The following R3HCC1L variants were observed in gnomAD, a reference collection of about 807,000 sequenced individuals.
The protein encoded by R3HCC1L is coiled-coil domain-containing protein R3HCC1L.
Under a neutral mutation model 59.9 loss-of-function variants are expected in R3HCC1L, and 51 were observed. The observed-to-expected ratio is 0.85, with a 90% CI of 0.68 to 1.07. R3HCC1L has a LOEUF of 1.07. R3HCC1L is among the 50% of genes least tolerant of loss of function. The pLI, the probability that R3HCC1L is intolerant of heterozygous loss-of-function variation, is 0.00. For synonymous variants in R3HCC1L, 322 were observed against 315.2 expected (o/e 1.02, Z -0.23); for missense variants, 965 against 933.0 (o/e 1.03, Z -0.45).
At chr10:98,178,937 T>A (rs551038052) in intron 4 of R3HCC1L, among the ~76,000 whole-genome samples, 1 of 152,370 alleles carries the variant, frequency 6.6e-6, no homozygotes, top group East Asian at 1.9e-4. Context: ...TCACTGAATT[T>A]GCTTATAAGC....
chr10:98,139,915 T>C (rs557408497), intron 1 of R3HCC1L, among the ~76,000 whole-genome samples: 46 of 151,694 alleles, frequency 3.0e-4, no homozygotes, highest in Non-Finnish European at 3.1e-4. Context: ...AGAGAAGCAC[T>C]GTTGGAAAAC....
intron 6 of R3HCC1L, 113 bp downstream of exon 6, chr10:98,231,800 C>CA: frequency 2.1e-5 from 24 of 1,154,150 alleles, no homozygotes; most frequent in Non-Finnish European, 2.9e-5. Context: ...ATTTTAGCAT[C>CA]AGGCTGGTTT....
chr10:98,201,598 A>G (rs1220142096), intron 4 of R3HCC1L, among the ~76,000 whole-genome samples: 1 of 152,220 alleles, frequency 6.6e-6, no homozygotes, highest in Admixed American at 6.5e-5. Context: ...ATAAAGGGAC[A>G]GGGAAACAAA....
At chr10:98,190,325 ATTTTT>A (rs1276223074) in intron 4 of R3HCC1L, among the ~76,000 whole-genome samples, 2 of 152,104 alleles carry the variant, frequency 1.3e-5, no homozygotes, top group Non-Finnish European at 2.9e-5. Context: ...GATTGGGTAT[ATTTTT>A]TATTTTATTA....
intron 1 of R3HCC1L, among the ~76,000 whole-genome samples, chr10:98,149,258 T>G (rs1845932185): frequency 6.6e-6 from 1 of 152,170 alleles, no homozygotes; most frequent in Non-Finnish European, 1.5e-5. Flanking sequence ...GTCTTCACTT[T>G]TTTCTTAGTT....
At chr10:98,168,524 A>C (rs1848187530) in intron 4 of R3HCC1L, among the ~76,000 whole-genome samples, 1 of 152,164 alleles carries the variant, frequency 6.6e-6, no homozygotes, top group South Asian at 2.1e-4. Flanking sequence ...CCAAGATCCT[A>C]CTGGAATCAT....
intron 5 of R3HCC1L, chr10:98,211,398 C>G: frequency 6.7e-7 from 1 of 1,493,780 alleles, no homozygotes; most frequent in Non-Finnish European, 8.9e-7. Context: ...CTGCAAATGA[C>G]TGTCAGCCCA....
At chr10:98,189,928 T>C (rs1321940240) in intron 4 of R3HCC1L, among the ~76,000 whole-genome samples, 1 of 152,232 alleles carries the variant, frequency 6.6e-6, no homozygotes, top group Admixed American at 6.5e-5. Context: ...CTTGATTTCT[T>C]ATTTGCAAAT....
chr10:98,209,984 T>G, intron 5 of R3HCC1L, 85 bp downstream of exon 5: 1 of 1,068,034 alleles, frequency 9.4e-7, no homozygotes. Context: ...TGATGCACAT[T>G]CACTGATATT....
At chr10:98,197,207 G>A (rs1469869713) in intron 4 of R3HCC1L, among the ~76,000 whole-genome samples, 1 of 151,388 alleles carries the variant, frequency 6.6e-6, no homozygotes, top group Non-Finnish European at 1.5e-5. Flanking sequence ...AAGCCACCAT[G>A]CCCCCCCCTC....
chr10:98,164,041 T>G (rs72826254), intron 4 of R3HCC1L, among the ~76,000 whole-genome samples: 10 of 152,302 alleles, frequency 6.6e-5, no homozygotes, highest in Non-Finnish European at 1.2e-4. Flanking sequence ...ATATTCCAGC[T>G]TCTGACTCTC....
rs564006424 is a variant in R3HCC1L, at chr10:98,135,337, G to C, written c.-268+631G>C. On this transcript the variant is annotated intron_variant, in intron 1 of 9. Coordinates refer to ENST00000298999, the MANE Select transcript of R3HCC1L (RefSeq NM_001351015.2). ...GGGGGAAGTCTCAGTCCGCCACTTGGCTGGACCTGTGATCTTTTGTACAGT... is the reference window on the plus strand; with the variant it reads ...GGGGGAAGTCTCAGTCCGCCACTTGCCTGGACCTGTGATCTTTTGTACAGT... Among the ~76,000 whole-genome samples the C allele has an allele frequency of 1.3e-4, 20 of 152,356 alleles. No individual in the cohort carries two copies. The East Asian group carries it at 3.9e-3, about 29-fold the overall frequency.
intron 1 of R3HCC1L, among the ~76,000 whole-genome samples, chr10:98,140,538 T>A (rs2133859067): frequency 1.3e-5 from 2 of 152,192 alleles, no homozygotes; most frequent in Middle Eastern, 6.8e-3. Context: ...ATCAGAGATG[T>A]AGACAGACGG....
intron 4 of R3HCC1L, among the ~76,000 whole-genome samples, chr10:98,173,434 A>C (rs1321948906): frequency 1.3e-5 from 2 of 152,152 alleles, no homozygotes; most frequent in Non-Finnish European, 2.9e-5. Flanking sequence ...GGGGAGGGGT[A>C]GAGGGAGCCT....
chr10:98,211,918 G>C (rs1399615638), intron 5 of R3HCC1L, among the ~76,000 whole-genome samples: 1 of 152,138 alleles, frequency 6.6e-6, no homozygotes, highest in Non-Finnish European at 1.5e-5. Flanking sequence ...ATTTCGAGGA[G>C]CATAGTAACA....
At chr10:98,231,454 T>C in intron 5 of R3HCC1L, 58 bp from the exon 6 acceptor site, 1 of 1,465,080 alleles carries the variant, frequency 6.8e-7, no homozygotes, top group South Asian at 1.2e-5. Context: ...TATAGGAATA[T>C]ATTTTACAAT....
Position 98,155,610 on chromosome 10 carries a change from A to G in R3HCC1L, c.-267-483A>G, listed in dbSNP as rs574208504. ...AGAGTTTAAAATAAACATGTTTTAA[A>G]AAGTCCAATAGTGGAAAAAAAAAGG... On this transcript the variant is annotated intron_variant, in intron 1 of 9. Transcript: ENST00000298999. Among the ~76,000 whole-genome samples the G allele has an allele frequency of 7.2e-5, 11 of 152,226 alleles. No homozygotes were observed. The South Asian group carries it at 2.3e-3, about 32-fold the overall frequency.
chr10:98,167,399 G>T (rs1019338663), intron 4 of R3HCC1L, among the ~76,000 whole-genome samples: 1 of 152,130 alleles, frequency 6.6e-6, no homozygotes, highest in Non-Finnish European at 1.5e-5. Context: ...ACACCTGCTG[G>T]TATAGCTCCA....
chr10:98,174,488 G>A (rs1428073728), intron 4 of R3HCC1L: 65 of 771,456 alleles, frequency 8.4e-5, no homozygotes, highest in Non-Finnish European at 1.0e-4. Context: ...CTGCCCTCAA[G>A]AAACTTGTAG....
Sources: gnomAD v4.1 joint callset for allele counts (sites outside exome capture counted in the v4.1 genomes callset) on GRCh38, gnomAD v4.1.1 for gene constraint, MANE v1.5 for transcripts, NCBI Gene and HGNC (gene_info 2026-07-23, HGNC 2026-07-21) for gene names.